The following EIF3G variants were observed in gnomAD, a reference collection of about 807,000 sequenced individuals.
EIF3G encodes the protein eukaryotic translation initiation factor 3 subunit G.
A neutral mutation model predicts 41.7 loss-of-function variants in EIF3G; 10 were observed. The observed-to-expected ratio is 0.24, with a 90% confidence interval of 0.15 to 0.41. The LOEUF is 0.41. EIF3G is among the 10% of genes least tolerant of loss of function. The probability of loss-of-function intolerance (pLI) is 1.00; values close to 1 mark genes in which losing one functional copy is unlikely to be tolerated. For synonymous variants in EIF3G, 204 were observed against 172.5 expected (o/e 1.18, Z -1.43); for missense variants, 297 against 444.0 (o/e 0.67, Z 2.98).
chr19:10,116,449 G>C lies in EIF3G; in HGVS notation c.595+351C>G. The C allele has an allele frequency of 2.1e-6, 1 of 476,566 alleles. No individual in the cohort carries two copies. The highest frequency in any genetic ancestry group is 3.8e-6 in the Non-Finnish European group (1 of 264,336). The allele number at this position is 476,566 out of a possible 1,614,324, so 29.5% of individuals were successfully genotyped here. A position where few individuals can be genotyped will look rare whatever the true frequency, so the allele number is the denominator to read the frequency against. On this transcript the variant is annotated intron_variant, in intron 7 of 10. Transcript: ENST00000253108. The surrounding 1 kb of genome is among the most constrained non-coding windows in gnomAD (Gnocchi z 4.1). Reference sequence around the variant, plus strand: ...GTCTGCACTCTCACACTCGCCACCAGCAAATCCCACCAAAGAATTCGGACG... The same window carrying C: ...GTCTGCACTCTCACACTCGCCACCACCAAATCCCACCAAAGAATTCGGACG...
rs11558269 is a variant in EIF3G at position 10,118,905 on chromosome 19, G to A, written c.203C>T (p.Thr68Ile). 44 of 1,612,860 alleles carry A rather than the reference G, an allele frequency of 2.7e-5. No homozygotes were observed. The highest frequency in any genetic ancestry group is 3.6e-5 in the Non-Finnish European group (42 of 1,179,886). Residue 68 changes from threonine to isoleucine, a missense_variant, in exon 4 of 11, where the codon ACA becomes ATA. By Grantham distance (89) the Thr-to-Ile change is moderately conservative. Transcript: ENST00000253108. ...GCCATCCTCATCTATCTTGTACTCT[G>A]TCACTGTCTTTATGTTTCCGTTGAT... ...EVINGNIKTV[T>I]EYKIDEDGKK...
chr19:10,116,086 AAGAC>A lies in EIF3G; in HGVS notation c.596-16_596-13del. On this transcript the variant is annotated splice_polypyrimidine_tract_variant and intron_variant, in intron 7 of 10. Transcript: ENST00000253108. The surrounding 1 kb of genome is among the most constrained non-coding windows in gnomAD (Gnocchi z 4.1). ...CACCGGCTCTAGCTCTGGGGACCAA[AAGAC>A]AGTCAAGTTCAACCTCACTGTGGCG... 3.1e-6 allele frequency: 5 copies of A among 1,612,474 alleles called. No individual in the cohort carries two copies. Among genetic ancestry groups the A allele is most frequent in the Non-Finnish European group, 4.2e-6 (5 of 1,179,114 alleles).
At position 10,119,579 on chromosome 19, in the gene EIF3G, T is replaced by G. The variant is rs767396516; in HGVS notation, c.67+75A>C. 3.3e-6 allele frequency: 5 copies of G among 1,517,640 alleles called. 1 individual carries two copies. Among genetic ancestry groups the G allele is most frequent in the Non-Finnish European group, 4.5e-6 (5 of 1,121,208 alleles). The allele number at this position is 1,517,640 out of a possible 1,614,324, so 94.0% of individuals were successfully genotyped here. ...CGTGACGGGGTACACGGTGCCAGAC[T>G]GGGAGATGGAAGCAGGCGGCAGTCA... On this transcript the variant is annotated intron_variant, in intron 2 of 10. Transcript: ENST00000253108.
chr19:10,117,781 C>T (rs988047371), intron 5 of EIF3G, among the ~76,000 whole-genome samples: 1 of 152,220 alleles, frequency 6.6e-6, no homozygotes, highest in African/African-American at 2.4e-5. Context: ...CGTGGCTGGG[C>T]GCAGTGGCTC....
Position 10,119,093 on chromosome 19 carries a change from GGCAGT to G in EIF3G, c.141_145del (p.Leu48GlyfsTer25). The G allele has an allele frequency of 1.3e-5, 18 of 1,415,130 alleles. No individual in the cohort carries two copies. Among genetic ancestry groups the G allele is most frequent in the Non-Finnish European group, 1.5e-5 (15 of 1,027,796 alleles). The allele number at this position is 1,415,130 out of a possible 1,614,324, so 87.7% of individuals were successfully genotyped here. Reference sequence around the variant, plus strand: ...TCCCGGCAGTCCTCACTCACCTCCCGGCAGTAGCTCTGGCTCTGGGCTGGTGTCAC... The same window carrying G: ...TCCCGGCAGTCCTCACTCACCTCCCGAGCTCTGGCTCTGGGCTGGTGTCAC... On this transcript the variant is annotated frameshift_variant, in exon 3 of 11. Transcript: ENST00000253108. LOFTEE classifies it high-confidence loss of function.
rs763509257 is a variant in EIF3G, at chr19:10,119,600, A to G, written c.67+54T>C. Reference sequence around the variant, plus strand: ...AGACTGGGAGATGGAAGCAGGCGGCAGTCACACGGCTTGGGCCTGGCCGCG... The same window carrying G: ...AGACTGGGAGATGGAAGCAGGCGGCGGTCACACGGCTTGGGCCTGGCCGCG... On this transcript the variant is annotated intron_variant, in intron 2 of 10. Coordinates refer to ENST00000253108, the MANE Select transcript of EIF3G (RefSeq NM_003755.5). The G allele has an allele frequency of 1.2e-5, 19 of 1,545,010 alleles. No individual in the cohort carries two copies. The East Asian group carries it at 3.9e-4, about 31-fold the overall frequency.
At chr19:10,118,619 C>T (rs2089278961) in intron 5 of EIF3G, 49 bp downstream of exon 5, 3 of 1,600,520 alleles carry the variant, frequency 1.9e-6, no homozygotes, top group Non-Finnish European at 1.7e-6. Flanking sequence ...AGTCCGGGAG[C>T]ACGGTTTTCC....
rs1217844252 is a variant in EIF3G, at chr19:10,116,168, G to A, written c.596-94C>T. On this transcript the variant is annotated intron_variant, in intron 7 of 10. Transcript: ENST00000253108. The surrounding 1 kb of genome is among the most constrained non-coding windows in gnomAD (Gnocchi z 4.1). ...AAGCTCGGGCTTCAGTGTTGAGCCA[G>A]CGCAGGCACTGTGTGCCAAACCACA... 4.1e-5 allele frequency: 53 copies of A among 1,294,436 alleles called. No homozygotes were observed. In the East Asian group the frequency reaches 1.2e-3, roughly 30 times the overall value. 80.2% of individuals were successfully genotyped at this position (1,294,436 alleles called of 1,614,324 possible).
chr19:10,119,776 C>A, intron 1 of EIF3G, 64 bp downstream of exon 1: 2 of 1,614,090 alleles, frequency 1.2e-6, no homozygotes, highest in Non-Finnish European at 1.7e-6. Context: ...GTACCCAGGC[C>A]CCATAATACT....
chr19:10,116,208 C>T lies in EIF3G; in HGVS notation c.596-134G>A. On this transcript the variant is annotated intron_variant, in intron 7 of 10. Transcript: ENST00000253108. The surrounding 1 kb of genome is among the most constrained non-coding windows in gnomAD (Gnocchi z 4.1). ...GCCAAACCACAGGCAGCCAGTTGGC[C>T]ACGAGGACACCAAGGTGACACCTGA... is the stretch of plus-strand genomic sequence containing the variant. The T allele has an allele frequency of 1.2e-6, 1 of 808,060 alleles. No homozygotes were observed. Among genetic ancestry groups the T allele is most frequent in the Non-Finnish European group, 1.9e-6 (1 of 513,858 alleles). 50.1% of individuals were successfully genotyped at this position (808,060 alleles called of 1,614,324 possible).
Position 10,118,657 on chromosome 19 carries a change from A to G in EIF3G, c.300+11T>C, listed in dbSNP as rs767291042. The stretch of plus-strand genomic sequence containing the variant: ...TTCCTCTAGGTTAGCCCTGGGGAAG[A>G]AGAGCCTCACCTTCCTCCTTGCGAC... On this transcript the variant is annotated intron_variant, in intron 5 of 10. Coordinates refer to ENST00000253108, the MANE Select transcript of EIF3G (RefSeq NM_003755.5). 6.2e-7 allele frequency: 1 copy of G among 1,614,010 alleles called. No homozygotes were observed. The highest frequency in any genetic ancestry group is 1.7e-5 in the Admixed American group (1 of 59,996).
At chr19:10,117,567 A>G (rs2089270346) in intron 5 of EIF3G, 2 of 214,254 alleles carry the variant, frequency 9.3e-6, no homozygotes, top group Non-Finnish European at 1.8e-5. Context: ...GGGAACCACA[A>G]AAGCTTCCTG....
At position 10,116,134 on chromosome 19, in the gene EIF3G, C is replaced by T. The variant is rs952327187; in HGVS notation, c.596-60G>A. 15 of 1,526,506 alleles carry T rather than the reference C, an allele frequency of 9.8e-6. No individual in the cohort carries two copies. In the South Asian group the frequency reaches 1.2e-4, roughly 12 times the overall value. 94.6% of individuals were successfully genotyped at this position (1,526,506 alleles called of 1,614,324 possible). On this transcript the variant is annotated intron_variant, in intron 7 of 10. Transcript: ENST00000253108. This position sits in a 1 kb window ranked among gnomAD's most constrained non-coding sequence, Gnocchi z 4.1. ...TGTGGCGCAGGCGTGGGGACAGAGC[C>T]GCCCCAGGAAGCTCGGGCTTCAGTG... is the stretch of plus-strand genomic sequence containing the variant.
intron 5 of EIF3G, chr19:10,117,620 G>A (rs1051897107): frequency 3.5e-5 from 6 of 171,644 alleles, no homozygotes; most frequent in Non-Finnish European, 7.3e-5. Context: ...AACACTTCGT[G>A]CAAGGTGCTT....
chr19:10,119,635 G>C lies in EIF3G; in HGVS notation c.67+19C>G. 6.4e-7 allele frequency: 1 copy of C among 1,558,150 alleles called. No individual in the cohort carries two copies. The highest frequency in any genetic ancestry group is 8.7e-7 in the Non-Finnish European group (1 of 1,150,768). On this transcript the variant is annotated intron_variant, in intron 2 of 10. Transcript: ENST00000253108. Reference sequence around the variant, plus strand: ...CTTGGGCCTGGCCGCGAATACCCCGGGCGACCGTGTACACTTACCGTCCTC... The same window carrying C: ...CTTGGGCCTGGCCGCGAATACCCCGCGCGACCGTGTACACTTACCGTCCTC...
chr19:10,117,919 G>C (rs954049792), intron 5 of EIF3G, among the ~76,000 whole-genome samples: 1 of 152,032 alleles, frequency 6.6e-6, no homozygotes, highest in Non-Finnish European at 1.5e-5. Context: ...CGGTGTGGCA[G>C]TGCACACCTG....
chr19:10,115,400 G>A, intron 10 of EIF3G, 79 bp downstream of exon 10: 2 of 1,462,968 alleles, frequency 1.4e-6, no homozygotes, highest in South Asian at 1.3e-5. Context: ...TTGGCTCAGG[G>A]CTATTGGTTG....
rs1267592132 is a variant in EIF3G at position 10,118,659 on chromosome 19, GAGCC to G, written c.300+5_300+8del. ...CCTCTAGGTTAGCCCTGGGGAAGAAGAGCCTCACCTTCCTCCTTGCGACAGCCTT... is the reference window on the plus strand; with the variant it reads ...CCTCTAGGTTAGCCCTGGGGAAGAAGTCACCTTCCTCCTTGCGACAGCCTT... On this transcript the variant is annotated splice_donor_5th_base_variant and intron_variant, in intron 5 of 10. Coordinates refer to ENST00000253108, the MANE Select transcript of EIF3G (RefSeq NM_003755.5). 5.6e-6 allele frequency: 9 copies of G among 1,613,742 alleles called. No individual in the cohort carries two copies. Among genetic ancestry groups the G allele is most frequent in the African/African-American group, 1.3e-5 (1 of 74,828 alleles).
intron 5 of EIF3G, chr19:10,118,080 T>C (rs995255736): frequency 6.6e-6 from 1 of 152,420 alleles, no homozygotes; most frequent in African/African-American, 2.4e-5. Flanking sequence ...ATCTAATTTT[T>C]ATTCGATATT....
Sources: allele counts gnomAD v4.1 joint callset (sites outside exome capture counted in the v4.1 genomes callset), GRCh38; gene constraint gnomAD v4.1.1; non-coding constraint Gnocchi (gnomAD v3.1); transcripts MANE v1.5; gene names NCBI Gene and HGNC (gene_info 2026-07-23, HGNC 2026-07-21).